The following MYOM2 variants were observed in gnomAD, a reference collection of about 807,000 sequenced individuals.
MYOM2 encodes the protein myomesin 2, also known as myomesin-2.
MYOM2 carries 254 observed loss-of-function variants against 187.6 expected under a neutral mutation model. The ratio of observed to expected loss-of-function variants is 1.35; its 90% CI spans 1.22 to 1.50. MYOM2 has a LOEUF of 1.50. Among genes scored for constraint, MYOM2 ranks in the 40% most tolerant of loss-of-function variants. The pLI is 0.00. For synonymous variants in MYOM2, 981 were observed against 753.8 expected (o/e 1.30, Z -4.94); for missense variants, 2,796 against 1,924.0 (o/e 1.45, Z -8.48).
At chr8:2,088,112 C>T (rs1048401756) in intron 14 of MYOM2, among the ~76,000 whole-genome samples, 2 of 151,834 alleles carry the variant, frequency 1.3e-5, no homozygotes, top group Non-Finnish European at 2.9e-5. Flanking sequence ...CATGAGTAAG[C>T]TCTTCAGCGG....
chr8:2,117,273 A>G (rs1182911101), intron 27 of MYOM2, among the ~76,000 whole-genome samples: 2 of 152,232 alleles, frequency 1.3e-5, no homozygotes, highest in Non-Finnish European at 2.9e-5. Flanking sequence ...GTGAACACAT[A>G]CTTTCCAAAT....
Position 2,076,503 on chromosome 8 carries a change from A to G in MYOM2, c.1262+221A>G, listed in dbSNP as rs1343849591. 5.1e-6 allele frequency: 3 copies of G among 585,598 alleles called. No individual in the cohort carries two copies. The African/African-American group carries it at 5.7e-5, about 11-fold the overall frequency. The allele number at this position is 585,598 out of a possible 1,614,324, so 36.3% of individuals were successfully genotyped here. ...ACCACACTGGGTTTCTTTTTGTTGAAAGTGGAGGCTCGTTTGCCTGTTGCA... is the reference window on the plus strand; with the variant it reads ...ACCACACTGGGTTTCTTTTTGTTGAGAGTGGAGGCTCGTTTGCCTGTTGCA... On this transcript the variant is annotated intron_variant, in intron 11 of 36. Coordinates refer to ENST00000262113, the MANE Select transcript of MYOM2 (RefSeq NM_003970.4).
chr8:2,131,065 AG>A (rs1350218679), intron 32 of MYOM2, among the ~76,000 whole-genome samples: 1 of 152,168 alleles, frequency 6.6e-6, no homozygotes, highest in African/African-American at 2.4e-5. Context: ...TGTGGTTTGT[AG>A]TACAGGCCAT....
chr8:2,059,600 C>T (rs1272924318), intron 6 of MYOM2, among the ~76,000 whole-genome samples: 1 of 152,104 alleles, frequency 6.6e-6, no homozygotes, highest in Non-Finnish European at 1.5e-5. Context: ...GAATGATAAC[C>T]TTTATTTTCT....
At chr8:2,087,788 T>G (rs1796146031) in intron 14 of MYOM2, among the ~76,000 whole-genome samples, 2 of 152,064 alleles carry the variant, frequency 1.3e-5, no homozygotes, top group Non-Finnish European at 2.9e-5. Context: ...CCAGCTGATT[T>G]TTAAATTTTT....
rs1818794622 is a variant in MYOM2, at chr8:2,059,863, C to T, written c.653+618C>T. ...GATCAAGCGATTCTCCTGCCTCAGC[C>T]TCCCCAGTAGTGGGGATTACAGACA... On this transcript the variant is annotated intron_variant, in intron 6 of 36. Coordinates refer to ENST00000262113, the MANE Select transcript of MYOM2 (RefSeq NM_003970.4). Among the ~76,000 whole-genome samples, 3 of 152,048 alleles carry T rather than the reference C, an allele frequency of 2.0e-5. No homozygotes were observed. The South Asian group carries it at 6.2e-4, about 32-fold the overall frequency.
chr8:2,124,047 A>G (rs1027161710), intron 30 of MYOM2, 132 bp from the exon 31 acceptor site: 3 of 886,622 alleles, frequency 3.4e-6, no homozygotes, highest in Non-Finnish European at 5.2e-6. Context: ...TTATGGATAA[A>G]TATTGCCATT....
At chr8:2,085,516 C>CCCCCTACTGTTGTGATCT (rs1819812290) in intron 14 of MYOM2, 126 bp downstream of exon 14, 1 of 648,996 alleles carries the variant, frequency 1.5e-6, no homozygotes, top group Non-Finnish European at 2.3e-6. Context: ...CTCCGCGTGG[C>CCCCCTACTGTTGTGATCT]CCCCCACTGT....
Position 2,145,051 on chromosome 8 carries a change from A to G in MYOM2, c.*70A>G. On this transcript the variant is annotated 3_prime_UTR_variant, in exon 37 of 37. Coordinates refer to ENST00000262113, the MANE Select transcript of MYOM2 (RefSeq NM_003970.4). The stretch of plus-strand genomic sequence containing the variant: ...ACAGGAATGCTGTGTGCTTGTTCCA[A>G]ATGAGCAGCTGGCATCCGAGTGGTG... The G allele has an allele frequency of 3.2e-6, 5 of 1,542,160 alleles. No homozygotes were observed. The highest frequency in any genetic ancestry group is 1.2e-5 in the South Asian group (1 of 85,904).
intron 14 of MYOM2, among the ~76,000 whole-genome samples, chr8:2,089,188 G>A (rs371716368): frequency 1.5e-4 from 5 of 33,026 alleles, no homozygotes; most frequent in East Asian, 8.9e-4. Context: ...CGAAAAAGGC[G>A]TTTTATCTCT....
chr8:2,049,330 G>A (rs1818408891), intron 1 of MYOM2, among the ~76,000 whole-genome samples: 1 of 152,174 alleles, frequency 6.6e-6, no homozygotes, highest in Non-Finnish European at 1.5e-5. Context: ...CTCCTTTCTG[G>A]CCCTCGTGTC....
Position 2,106,393 on chromosome 8 carries a change from G to A in MYOM2, c.2886G>A (p.Gly962=), listed in dbSNP as rs1796893347. ...DDERFKIETV[G]DHSKLYLKNP... ...AGAGGTTTAAAATTGAAACCGTGGG[G>A]GATCAGTAAGTGAGGCCTGGAAGTT... is the stretch of plus-strand genomic sequence containing the variant. Residue 962 remains glycine (G), a synonymous_variant, in exon 22 of 37, where the codon GGG becomes GGA. Coordinates refer to ENST00000262113, the MANE Select transcript of MYOM2 (RefSeq NM_003970.4). The A allele has an allele frequency of 8.1e-6, 13 of 1,613,952 alleles. No homozygotes were observed. The highest frequency in any genetic ancestry group is 1.1e-5 in the South Asian group (1 of 91,062).
In MYOM2 at chr8:2,060,756, G is replaced by GT. The variant is rs111268102; in HGVS notation, c.653+1518dup. Among the ~76,000 whole-genome samples the GT allele has an allele frequency of 5.4e-5, 7 of 129,152 alleles. 1 individual carries two copies. The highest frequency in any genetic ancestry group is 1.8e-4 in the African/African-American group (7 of 39,358). 84.7% of individuals were successfully genotyped at this position (129,152 alleles called of 152,430 possible). On this transcript the variant is annotated intron_variant, in intron 6 of 36. Transcript: ENST00000262113. ...AAAGTCTTGCTCTGTTCGTTTGTTT[G>GT]TTTTTTTAAAGCTTTTATACATTGG... is the stretch of plus-strand genomic sequence containing the variant.
At chr8:2,099,229 AG>A (rs1385804349) in intron 19 of MYOM2, among the ~76,000 whole-genome samples, 1 of 152,170 alleles carries the variant, frequency 6.6e-6, no homozygotes, top group Admixed American at 6.5e-5. Context: ...CCTGAGGGTG[AG>A]GTGGGAGGGA....
chr8:2,126,717 C>A (rs1273985296), intron 31 of MYOM2, among the ~76,000 whole-genome samples: 1 of 115,200 alleles, frequency 8.7e-6, no homozygotes, highest in Non-Finnish European at 1.7e-5. Flanking sequence ...TGGGTGAGCA[C>A]TGGGGGAGGC....
At chr8:2,116,985 G>A (rs62478452) in intron 27 of MYOM2, among the ~76,000 whole-genome samples, 19 of 152,156 alleles carry the variant, frequency 1.2e-4, no homozygotes, top group Admixed American at 8.5e-4. Flanking sequence ...GGATGGTCTC[G>A]ATCTCCTGAC....
intron 31 of MYOM2, among the ~76,000 whole-genome samples, chr8:2,125,136 A>G (rs1165966201): frequency 6.6e-6 from 1 of 151,994 alleles, no homozygotes; most frequent in Non-Finnish European, 1.5e-5. Context: ...TGTATTTTTG[A>G]TGTCCTATCC....
At chr8:2,052,822 G>C (rs914611166) in intron 3 of MYOM2, among the ~76,000 whole-genome samples, 2 of 152,250 alleles carry the variant, frequency 1.3e-5, no homozygotes, top group Non-Finnish European at 2.9e-5. Context: ...GCGGGAGCCA[G>C]GGTTTTAAAC....
intron 31 of MYOM2, among the ~76,000 whole-genome samples, chr8:2,125,988 G>T (rs1797621990): frequency 6.6e-6 from 1 of 152,090 alleles, no homozygotes; most frequent in Admixed American, 6.5e-5. Flanking sequence ...TCTTTAGATT[G>T]CTTTGGGTAG....
Sources: allele counts gnomAD v4.1 joint callset (sites outside exome capture counted in the v4.1 genomes callset), GRCh38; gene constraint gnomAD v4.1.1; transcripts MANE v1.5; gene names NCBI Gene and HGNC (gene_info 2026-07-23, HGNC 2026-07-21).